The following ADGRV1 variants were observed in gnomAD, a reference collection of about 807,000 sequenced individuals.
ADGRV1 encodes G-protein coupled receptor 98.
Under a neutral mutation model 596.2 loss-of-function variants are expected in ADGRV1, and 359 were observed. That is an observed-to-expected ratio of 0.60 (90% CI 0.55 to 0.66). The LOEUF (loss-of-function observed/expected upper bound fraction) is 0.66. Ranked by LOEUF, ADGRV1 falls within the 30% of genes least tolerant of loss-of-function variation. ADGRV1 has a pLI of 0.00. For synonymous variants in ADGRV1, 2,681 were observed against 2,679.2 expected (o/e 1.00, Z -0.02); for missense variants, 7,274 against 7,575.6 (o/e 0.96, Z 1.48).
At chr5:90,861,721 G>T (rs1473429858) in intron 82 of ADGRV1, among the ~76,000 whole-genome samples, 1 of 152,082 alleles carries the variant, frequency 6.6e-6, no homozygotes, top group Non-Finnish European at 1.5e-5. Context: ...ATTAAAAAAA[G>T]ATTTCTAAGT....
At chr5:90,593,353 G>A (rs1759781385) in intron 1 of ADGRV1, among the ~76,000 whole-genome samples, 3 of 152,178 alleles carry the variant, frequency 2.0e-5, no homozygotes, top group South Asian at 2.1e-4. Flanking sequence ...TCACAAGGAC[G>A]GAAAACCAAA....
chr5:91,009,494 A>C (rs921627743), intron 85 of ADGRV1, among the ~76,000 whole-genome samples: 2 of 152,138 alleles, frequency 1.3e-5, no homozygotes, highest in African/African-American at 4.8e-5. Flanking sequence ...TATTTCTGAG[A>C]GATTTCAGAA....
At chr5:90,866,859 T>A (rs1237642687) in intron 83 of ADGRV1, among the ~76,000 whole-genome samples, 2 of 152,102 alleles carry the variant, frequency 1.3e-5, no homozygotes, top group East Asian at 3.8e-4. Context: ...GTCTCTATTT[T>A]CAGTTTATCA....
chr5:91,048,101 C>T (rs1439259304), intron 85 of ADGRV1, among the ~76,000 whole-genome samples: 1 of 151,888 alleles, frequency 6.6e-6, no homozygotes, highest in Admixed American at 6.6e-5. Flanking sequence ...ATCTTTATTT[C>T]TGTCTCTTCT....
intron 21 of ADGRV1, among the ~76,000 whole-genome samples, chr5:90,662,643 G>C (rs934581776): frequency 6.6e-6 from 1 of 150,852 alleles, no homozygotes; most frequent in Non-Finnish European, 1.5e-5. Flanking sequence ...TAAGTTTTAG[G>C]GTACATGAGC....
chr5:90,963,765 G>GA (rs1295263530), intron 83 of ADGRV1, among the ~76,000 whole-genome samples: 4 of 150,234 alleles, frequency 2.7e-5, no homozygotes, highest in South Asian at 2.1e-4. Flanking sequence ...TCTGTAGCTT[G>GA]AAAAAAAAGA....
At chr5:90,795,684 C>G (rs1286272900) in intron 70 of ADGRV1, among the ~76,000 whole-genome samples, 1 of 152,192 alleles carries the variant, frequency 6.6e-6, no homozygotes, top group Non-Finnish European at 1.5e-5. Flanking sequence ...GATCCCTGAC[C>G]CCCGTGTATC....
chr5:90,691,260 CT>C, intron 31 of ADGRV1: 2 of 588,068 alleles, frequency 3.4e-6, no homozygotes, highest in Non-Finnish European at 6.2e-6. Context: ...TACTATAAGA[CT>C]TTTTTGTACA....
At chr5:90,902,082 G>A (rs1467812345) in intron 83 of ADGRV1, among the ~76,000 whole-genome samples, 1 of 152,050 alleles carries the variant, frequency 6.6e-6, no homozygotes, top group African/African-American at 2.4e-5. Context: ...AAGCTAACAG[G>A]ACTTACTGCT....
intron 83 of ADGRV1, among the ~76,000 whole-genome samples, chr5:90,923,472 A>C (rs2150750885): frequency 6.6e-6 from 1 of 152,204 alleles, no homozygotes; most frequent in Non-Finnish European, 1.5e-5. Flanking sequence ...CTGAAATTTA[A>C]ATATTTACTA....
chr5:90,851,260 A>G (rs1766495469), intron 79 of ADGRV1, among the ~76,000 whole-genome samples: 1 of 151,972 alleles, frequency 6.6e-6, no homozygotes. Context: ...AAAACCACAT[A>G]GGGGATTACT....
intron 83 of ADGRV1, among the ~76,000 whole-genome samples, chr5:90,954,675 A>G (rs1056533205): frequency 1.3e-5 from 2 of 152,176 alleles, no homozygotes; most frequent in African/African-American, 4.8e-5. Flanking sequence ...GTATAATTCA[A>G]TTTAGGCCAA....
chr5:90,754,127 A>C (rs1755568710), intron 54 of ADGRV1, among the ~76,000 whole-genome samples: 1 of 152,154 alleles, frequency 6.6e-6, no homozygotes, highest in African/African-American at 2.4e-5. Flanking sequence ...TTCATCATTC[A>C]TCTGTTCTCT....
At position 90,897,742 on chromosome 5, in the gene ADGRV1, G is replaced by A. The variant is rs145490024; in HGVS notation, c.17856+33885G>A. ...CGTTTTGCCTAGGAGGCCTTCTTTG[G>A]CTTGGGTTAGCTATGATTAAGAGGG... On this transcript the variant is annotated intron_variant, in intron 83 of 89. Transcript: ENST00000405460. Among the ~76,000 whole-genome samples, 47 of 152,254 alleles carry A rather than the reference G, an allele frequency of 3.1e-4. No homozygotes were observed. In the East Asian group the frequency reaches 7.7e-3, roughly 25 times the overall value.
intron 87 of ADGRV1, among the ~76,000 whole-genome samples, chr5:91,147,200 G>C (rs192917858): frequency 8.2e-6 from 1 of 121,818 alleles, no homozygotes. Flanking sequence ...AAAAAAAAAA[G>C]ATTTGTTAGT....
chr5:90,691,573 C>T (rs867366946), intron 31 of ADGRV1, among the ~76,000 whole-genome samples: 3 of 151,276 alleles, frequency 2.0e-5, no homozygotes, highest in Admixed American at 6.6e-5. Context: ...TTAATAGAAA[C>T]GGAGTTTCAC....
intron 82 of ADGRV1, among the ~76,000 whole-genome samples, chr5:90,859,524 C>T (rs1000138479): frequency 2.0e-5 from 3 of 151,512 alleles, no homozygotes; most frequent in Non-Finnish European, 2.9e-5. Context: ...CTTCCGCCTT[C>T]TGGGCTCAAG....
At chr5:90,921,803 T>TC (rs1290434409) in intron 83 of ADGRV1, among the ~76,000 whole-genome samples, 1 of 150,994 alleles carries the variant, frequency 6.6e-6, no homozygotes, top group East Asian at 1.9e-4. Context: ...CTTGTTTTTT[T>TC]TTTTTTTTTT....
chr5:90,859,211 A>G (rs1187808580), intron 82 of ADGRV1, among the ~76,000 whole-genome samples: 1 of 152,154 alleles, frequency 6.6e-6, no homozygotes, highest in African/African-American at 2.4e-5. Context: ...TTCTGGCCTC[A>G]AGCGATCCTC....
Sources: allele counts gnomAD v4.1 joint callset (sites outside exome capture counted in the v4.1 genomes callset), GRCh38; gene constraint gnomAD v4.1.1; transcripts MANE v1.5; gene names NCBI Gene and HGNC (gene_info 2026-07-23, HGNC 2026-07-21).